Variants in MYO16 observed in about 807,000 individuals in gnomAD.
MYO16 encodes myosin XVI.
Under a neutral mutation model 205.3 loss-of-function variants are expected in MYO16, and 94 were observed. The ratio of observed to expected loss-of-function variants is 0.46; its 90% CI spans 0.39 to 0.54. The LOEUF is 0.54. MYO16 is among the 20% of genes least tolerant of loss of function. The pLI, the probability that MYO16 is intolerant of heterozygous loss-of-function variation, is 0.00. For synonymous variants in MYO16, 988 were observed against 954.0 expected (o/e 1.04, Z -0.66); for missense variants, 2,315 against 2,387.5 (o/e 0.97, Z 0.63).
intron 23 of MYO16, among the ~76,000 whole-genome samples, chr13:109,041,848 A>T (rs1436788198): frequency 7.4e-6 from 1 of 135,686 alleles, no homozygotes; most frequent in East Asian, 2.3e-4. Context: ...ATTTATTTTG[A>T]TTTTCAAATT....
At chr13:108,633,561 C>T (rs7339388) in intron 1 of MYO16, among the ~76,000 whole-genome samples, 42,607 of 151,996 alleles carry the variant, frequency 0.28, 6,190 homozygotes, top group South Asian at 0.43. Context: ...CCATCCAGAT[C>T]GAGGGTGGGT....
chr13:108,843,759 A>G (rs437172), intron 9 of MYO16, among the ~76,000 whole-genome samples: 137,831 of 152,172 alleles, frequency 0.91, 63,130 homozygotes, highest in East Asian at 1. Flanking sequence ...GTCAATAGAA[A>G]AATAAAAAGT....
At chr13:108,630,710 G>T (rs756335095) in intron 1 of MYO16, among the ~76,000 whole-genome samples, 4 of 152,126 alleles carry the variant, frequency 2.6e-5, no homozygotes, top group Non-Finnish European at 5.9e-5. Flanking sequence ...TAAGCTTAAG[G>T]TTTTGCTGCC....
At chr13:108,619,790 C>T (rs1879475946) in intron 1 of MYO16, among the ~76,000 whole-genome samples, 1 of 152,118 alleles carries the variant, frequency 6.6e-6, no homozygotes, top group African/African-American at 2.4e-5. Context: ...GTCCTCCCCT[C>T]TCCCTCTCTC....
chr13:108,979,112 G>T (rs976545219), intron 20 of MYO16, among the ~76,000 whole-genome samples: 2 of 151,812 alleles, frequency 1.3e-5, no homozygotes, highest in African/African-American at 2.4e-5. Flanking sequence ...TTATTTTCAA[G>T]AATCATATTT....
intron 27 of MYO16, among the ~76,000 whole-genome samples, chr13:109,072,637 A>T (rs1173740330): frequency 6.6e-6 from 1 of 151,942 alleles, no homozygotes; most frequent in East Asian, 1.9e-4. Context: ...CATTCTTCAG[A>T]CCAAATTATT....
chr13:108,848,042 A>G (rs1877615766), intron 10 of MYO16, among the ~76,000 whole-genome samples: 1 of 152,216 alleles, frequency 6.6e-6, no homozygotes, highest in Non-Finnish European at 1.5e-5. Flanking sequence ...TCAGGTCTGC[A>G]GCTCTGGAGC....
intron 16 of MYO16, among the ~76,000 whole-genome samples, chr13:108,910,597 C>T (rs1217616103): frequency 1.3e-5 from 2 of 152,264 alleles, no homozygotes; most frequent in South Asian, 4.1e-4. Flanking sequence ...AGGCAGAAAG[C>T]ACTTGTGTTA....
intron 23 of MYO16, among the ~76,000 whole-genome samples, chr13:109,045,913 C>T (rs1887025818): frequency 6.6e-6 from 1 of 152,222 alleles, no homozygotes; most frequent in Non-Finnish European, 1.5e-5. Context: ...TCATGGGTGA[C>T]ACTCAAATGT....
chr13:108,518,683 A>C, the MYO16 span, among the ~76,000 whole-genome samples: 50,420 of 152,088 alleles, frequency 0.33, 10,287 homozygotes, highest in African/African-American at 0.58. Flanking sequence ...GAAGTGATAA[A>C]GTCAAAACAA....
intron 34 of MYO16, among the ~76,000 whole-genome samples, chr13:109,188,357 T>A (rs535247684): frequency 9.5e-4 from 145 of 152,252 alleles, no homozygotes; most frequent in African/African-American, 3.2e-3. Context: ...CCACAAAAAA[T>A]TCACCCCTTC....
the MYO16 span, among the ~76,000 whole-genome samples, chr13:108,546,068 G>T: frequency 9.9e-5 from 15 of 152,264 alleles, no homozygotes; most frequent in Non-Finnish European, 1.9e-4. Flanking sequence ...GGCCTGTGCG[G>T]CACTGTTCTG....
the MYO16 span, among the ~76,000 whole-genome samples, chr13:108,530,210 A>C: frequency 1.3e-5 from 2 of 152,230 alleles, no homozygotes; most frequent in African/African-American, 2.4e-5. Context: ...AAGAACTGGG[A>C]GGGTGAGAGT....
Position 109,140,485 on chromosome 13 carries a change from G to A in MYO16, c.4273G>A (p.Gly1425Ser). The A allele has an allele frequency of 2.6e-6, 4 of 1,543,476 alleles. No individual in the cohort carries two copies. The highest frequency in any genetic ancestry group is 3.5e-6 in the Non-Finnish European group (4 of 1,153,692). Residue 1425 changes from glycine to serine, a missense_variant, in exon 32 of 35, where the codon GGT becomes AGT. Gly to Ser is a moderately conservative substitution (Grantham distance 56). Around this residue, in one of 3 missense-constraint regions of MYO16, gnomAD observed 1,097 missense variants for 1,092.0 expected, o/e 1.00. Coordinates refer to ENST00000457511, the MANE Select transcript of MYO16 (RefSeq NM_001198950.3). The surrounding 1 kb of genome is among the most constrained non-coding windows in gnomAD (Gnocchi z 8.0). ...CGCGCTGCCCCCGGCGGCGCCTCCGGGTGACGAGGACGACAGCGAGCCTGT... is the reference window on the plus strand; with the variant it reads ...CGCGCTGCCCCCGGCGGCGCCTCCGAGTGACGAGGACGACAGCGAGCCTGT... ...QCALPPAAPP[G>S]DEDDSEPVYI...
chr13:108,767,323 C>T (rs568534174), intron 4 of MYO16, among the ~76,000 whole-genome samples: 2 of 152,220 alleles, frequency 1.3e-5, no homozygotes, highest in East Asian at 3.9e-4. Flanking sequence ...AGGACGGTCT[C>T]GATCTCCTGA....
chr13:108,985,195 A>G (rs956068527), intron 20 of MYO16, among the ~76,000 whole-genome samples: 3 of 152,210 alleles, frequency 2.0e-5, no homozygotes, highest in Non-Finnish European at 4.4e-5. Flanking sequence ...TAGCAAGTAC[A>G]AACCACACGT....
chr13:108,941,894 T>C (rs1209280424), intron 16 of MYO16, among the ~76,000 whole-genome samples: 1 of 152,234 alleles, frequency 6.6e-6, no homozygotes, highest in African/African-American at 2.4e-5. Context: ...CATATTTTGC[T>C]GCTTTGGTTA....
At chr13:108,931,005 A>G (rs1038371366) in intron 16 of MYO16, among the ~76,000 whole-genome samples, 2 of 152,216 alleles carry the variant, frequency 1.3e-5, no homozygotes, top group South Asian at 2.1e-4. Context: ...AATGAATCCA[A>G]TGAAGACACT....
intron 7 of MYO16, among the ~76,000 whole-genome samples, chr13:108,814,894 G>A (rs1403049916): frequency 6.6e-6 from 1 of 152,028 alleles, no homozygotes; most frequent in Non-Finnish European, 1.5e-5. Flanking sequence ...AAACCCCACC[G>A]CAGATTGAAG....
Sources: allele counts gnomAD v4.1 joint callset (sites outside exome capture counted in the v4.1 genomes callset), GRCh38; gene constraint gnomAD v4.1.1; regional missense constraint gnomAD v4.1.1; non-coding constraint Gnocchi (gnomAD v3.1); transcripts MANE v1.5; gene names NCBI Gene and HGNC (gene_info 2026-07-23, HGNC 2026-07-21).